HSD17B12: variants seen among roughly 807,000 people sequenced by gnomAD.
The protein encoded by HSD17B12 is very-long-chain 3-oxoacyl-CoA reductase.
HSD17B12 carries 32 observed loss-of-function variants against 39.3 expected under a neutral mutation model. The ratio of observed to expected loss-of-function variants is 0.81; its 90% CI spans 0.61 to 1.09. The LOEUF is 1.09. HSD17B12 is among the 50% of genes least tolerant of loss of function. HSD17B12 has a pLI of 0.00. For synonymous variants in HSD17B12, 150 were observed against 146.7 expected (o/e 1.02, Z -0.16); for missense variants, 342 against 382.9 (o/e 0.89, Z 0.89).
chr11:43,605,325 G>T, the HSD17B12 span, among the ~76,000 whole-genome samples: 5 of 152,096 alleles, frequency 3.3e-5, no homozygotes, highest in South Asian at 8.3e-4. Flanking sequence ...GCTTTGGGAG[G>T]CCGAGGTGGG....
rs61646858 is a variant in HSD17B12, at chr11:43,690,361, CATATATATATATATATATATATATAT to C, written c.160+9393_160+9418del. On this transcript the variant is annotated intron_variant, in intron 1 of 10. Coordinates refer to ENST00000278353, the MANE Select transcript of HSD17B12 (RefSeq NM_016142.3). ...ATATCTGTTAAGTAAGGTATTCATA[CATATATATATATATATATATATATAT>C]ATATATATATATATATATTTTTTTT... Among the ~76,000 whole-genome samples the C allele has an allele frequency of 4.0e-3, 159 of 39,426 alleles. 20 individuals carry two copies. Among genetic ancestry groups the C allele is most frequent in the Admixed American group, 0.037 (100 of 2,720 alleles). The allele number at this position is 39,426 out of a possible 152,430, so 25.9% of individuals were successfully genotyped here.
At chr11:43,644,704 A>G in the HSD17B12 span, 1 of 152,810 alleles carries the variant, frequency 6.5e-6, no homozygotes, top group Non-Finnish European at 1.5e-5. Flanking sequence ...GGAATTTTGT[A>G]AGATGTACAG....
the HSD17B12 span, among the ~76,000 whole-genome samples, chr11:43,567,000 G>A: frequency 2.0e-5 from 3 of 152,316 alleles, no homozygotes; most frequent in South Asian, 2.1e-4. Context: ...TGTGTGAGAA[G>A]GATTCCGTGT....
chr11:43,587,139 T>A, the HSD17B12 span, among the ~76,000 whole-genome samples: 7 of 152,338 alleles, frequency 4.6e-5, no homozygotes, highest in Non-Finnish European at 8.8e-5. Context: ...AATATCTCCA[T>A]CTATAAAATT....
the HSD17B12 span, among the ~76,000 whole-genome samples, chr11:43,628,174 T>C: frequency 1.3e-5 from 2 of 151,986 alleles, no homozygotes; most frequent in African/African-American, 4.8e-5. Context: ...AATGACACCA[T>C]TATTAGTTCT....
At chr11:43,581,665 GC>G in the HSD17B12 span, among the ~76,000 whole-genome samples, 1 of 151,664 alleles carries the variant, frequency 6.6e-6, no homozygotes, top group African/African-American at 2.4e-5. The surrounding 1 kb of genome is among the most constrained non-coding windows in gnomAD (Gnocchi z 4.9). Context: ...CGAGTCCCCC[GC>G]CCCCAACTTT....
rs997254935 is a variant in HSD17B12 at position 43,763,625 on chromosome 11, A to C, written c.283+9504A>C. On this transcript the variant is annotated intron_variant, in intron 3 of 10. Transcript: ENST00000278353. ...ATAAGGTTATCTTATATATATATAT[A>C]TCTTATCTACATATAAGATATATAT... is the stretch of plus-strand genomic sequence containing the variant. Among the ~76,000 whole-genome samples, 287 of 147,912 alleles carry C rather than the reference A, an allele frequency of 1.9e-3. 3 individuals are homozygous for C. The highest frequency in any genetic ancestry group is 6.8e-3 in the African/African-American group (277 of 40,742).
chr11:43,742,905 T>C lies in HSD17B12; in HGVS notation c.161-8006T>C, dbSNP rs908695222. ...AGTATGAGAAAATGGAAAAATGATA[T>C]TTTTACCTGAAATATCAGAGGTTAA... On this transcript the variant is annotated intron_variant, in intron 1 of 10. Transcript: ENST00000278353. 3.3e-5 allele frequency among the ~76,000 whole-genome samples: 5 copies of C among 152,318 alleles called. 1 individual carries two copies. Among genetic ancestry groups the C allele is most frequent in the Admixed American group, 1.3e-4 (2 of 15,298 alleles).
intron 1 of HSD17B12, among the ~76,000 whole-genome samples, chr11:43,706,148 A>ATG (rs1406120911): frequency 2.0e-5 from 3 of 152,152 alleles, no homozygotes; most frequent in Middle Eastern, 3.4e-3. Flanking sequence ...TGAGAGCCTG[A>ATG]TGTGTGTGTA....
At chr11:43,639,979 A>T in the HSD17B12 span, among the ~76,000 whole-genome samples, 1 of 152,228 alleles carries the variant, frequency 6.6e-6, no homozygotes, top group Non-Finnish European at 1.5e-5. Context: ...CAAGTCCACA[A>T]GTACCTAGTA....
At chr11:43,766,167 A>G (rs1157785691) in intron 3 of HSD17B12, among the ~76,000 whole-genome samples, 3 of 152,180 alleles carry the variant, frequency 2.0e-5, no homozygotes, top group Non-Finnish European at 4.4e-5. Flanking sequence ...TCTTGAACAT[A>G]TAGAATATAT....
intron 1 of HSD17B12, among the ~76,000 whole-genome samples, chr11:43,714,633 T>A (rs1950103601): frequency 1.3e-5 from 2 of 152,230 alleles, no homozygotes; most frequent in African/African-American, 4.8e-5. Context: ...ATATGAACTT[T>A]AAAGTAGTTG....
chr11:43,616,098 C>T, the HSD17B12 span, among the ~76,000 whole-genome samples: 1 of 152,106 alleles, frequency 6.6e-6, no homozygotes, highest in East Asian at 1.9e-4. Context: ...AAGGTCTGAA[C>T]CTTTACTTTT....
rs181005648 is a variant in HSD17B12, at chr11:43,758,227, T to G, written c.283+4106T>G. On this transcript the variant is annotated intron_variant, in intron 3 of 10. Coordinates refer to ENST00000278353, the MANE Select transcript of HSD17B12 (RefSeq NM_016142.3). ...TGTTGTGGGTGTCAGTGAGGGATAT[T>G]TGAGTTAAGTCTTGAGGAGAAGAGG... 1.3e-5 allele frequency among the ~76,000 whole-genome samples: 2 copies of G among 152,286 alleles called. 1 individual carries two copies. The highest frequency in any genetic ancestry group is 3.9e-4 in the East Asian group (2 of 5,188).
chr11:43,693,720 A>G (rs189875709), intron 1 of HSD17B12, among the ~76,000 whole-genome samples: 1 of 152,242 alleles, frequency 6.6e-6, no homozygotes, highest in South Asian at 2.1e-4. Flanking sequence ...AAATCCTTTA[A>G]TATTCCTAGT....
chr11:43,580,918 G>C, the HSD17B12 span, among the ~76,000 whole-genome samples: 78 of 152,152 alleles, frequency 5.1e-4, no homozygotes, highest in Middle Eastern at 3.4e-3. Context: ...GTGCTCTGGG[G>C]GAGTTTTTCT....
intron 9 of HSD17B12, among the ~76,000 whole-genome samples, chr11:43,843,299 T>C (rs1951444247): frequency 6.6e-6 from 1 of 152,230 alleles, no homozygotes; most frequent in African/African-American, 2.4e-5. Flanking sequence ...AGCTCAGAGT[T>C]AAAAATGATT....
At chr11:43,587,420 T>C in the HSD17B12 span, among the ~76,000 whole-genome samples, 1 of 152,220 alleles carries the variant, frequency 6.6e-6, no homozygotes, top group Admixed American at 6.5e-5. Flanking sequence ...CTCTAAGGCC[T>C]ACATTTTACA....
chr11:43,778,316 C>T (rs1442608130), intron 3 of HSD17B12, among the ~76,000 whole-genome samples: 1 of 152,216 alleles, frequency 6.6e-6, no homozygotes, highest in East Asian at 1.9e-4. Flanking sequence ...AGACCAATAA[C>T]AGGATCTGAA....
Sources: allele counts gnomAD v4.1 joint callset (sites outside exome capture counted in the v4.1 genomes callset), GRCh38; gene constraint gnomAD v4.1.1; non-coding constraint Gnocchi (gnomAD v3.1); transcripts MANE v1.5; gene names NCBI Gene and HGNC (gene_info 2026-07-23, HGNC 2026-07-21).